The following ADAMTS3 variants were observed in gnomAD, a reference collection of about 807,000 sequenced individuals.
ADAMTS3 encodes A disintegrin and metalloproteinase with thrombospondin motifs 3.
Under a neutral mutation model 129.0 loss-of-function variants are expected in ADAMTS3, and 73 were observed. The observed-to-expected ratio is 0.57, with a 90% CI of 0.47 to 0.69. The LOEUF is 0.69. Ranked by LOEUF, ADAMTS3 falls within the 30% of genes least tolerant of loss-of-function variation. ADAMTS3 has a pLI of 0.00. For synonymous variants in ADAMTS3, 477 were observed against 510.8 expected (o/e 0.93, Z 0.89); for missense variants, 1,457 against 1,514.5 (o/e 0.96, Z 0.63).
rs148946107 is a variant in ADAMTS3, at chr4:72,341,614, C to T, written c.662-1921G>A. ...AAATGGCTCCTGTTGGCAGAATGCT[C>T]AGAGAAAACGTCCAATGGAAATATA... On this transcript the variant is annotated intron_variant, in intron 4 of 21. Transcript: ENST00000286657. Among the ~76,000 whole-genome samples, 826 of 152,260 alleles carry T rather than the reference C, an allele frequency of 5.4e-3. 4 individuals carry two copies. The highest frequency in any genetic ancestry group is 0.019 in the African/African-American group (785 of 41,546).
At chr4:72,316,707 T>G (rs912554100) in intron 10 of ADAMTS3, among the ~76,000 whole-genome samples, 1 of 151,038 alleles carries the variant, frequency 6.6e-6, no homozygotes, top group African/African-American at 2.4e-5. Context: ...ATAATAATAA[T>G]AATAATAATC....
In ADAMTS3 at chr4:72,432,954, G is replaced by A. The variant is rs1722733940; in HGVS notation, c.505-17983C>T. The stretch of plus-strand genomic sequence containing the variant: ...CAGAAACTAGTTCTACATTGGAACA[G>A]CATCCACCTAAGCTGGAAGGCAGAG... On this transcript the variant is annotated intron_variant, in intron 3 of 21. Coordinates refer to ENST00000286657, the MANE Select transcript of ADAMTS3 (RefSeq NM_014243.3). Among the ~76,000 whole-genome samples, 3 of 151,922 alleles carry A rather than the reference G, an allele frequency of 2.0e-5. No individual in the cohort carries two copies. In the South Asian group the frequency reaches 6.2e-4, roughly 31 times the overall value.
intron 4 of ADAMTS3, among the ~76,000 whole-genome samples, chr4:72,414,117 T>G (rs1409939080): frequency 2.0e-5 from 3 of 151,834 alleles, no homozygotes; most frequent in African/African-American, 7.2e-5. Flanking sequence ...AAAGACTTCT[T>G]GAGATTTGGT....
intron 3 of ADAMTS3, among the ~76,000 whole-genome samples, chr4:72,504,601 G>T (rs1720108653): frequency 6.6e-6 from 1 of 151,832 alleles, no homozygotes; most frequent in Admixed American, 6.6e-5. Flanking sequence ...CTTATACTTG[G>T]ATATCTACCT....
intron 3 of ADAMTS3, among the ~76,000 whole-genome samples, chr4:72,455,903 A>G (rs1442700335): frequency 9.3e-6 from 1 of 107,514 alleles, no homozygotes; most frequent in Non-Finnish European, 1.7e-5. Context: ...TATATAGTAT[A>G]TACACTGTAT....
In ADAMTS3 at chr4:72,283,479, T is replaced by A; in HGVS notation, c.3275A>T (p.Tyr1092Phe). 6.2e-7 allele frequency: 1 copy of A among 1,614,006 alleles called. No homozygotes were observed. Among genetic ancestry groups the A allele is most frequent in the Non-Finnish European group, 8.5e-7 (1 of 1,179,970 alleles). ...CTTCTTTGCAGGGGTCTCTGAATGA[T>A]AAGGAACCAAAGATGTAGGCATCAC... ...SLVMPTSLVP[Y>F]HSETPAKKMS... is the part of the protein sequence containing the mutation. The change falls in exon 22 of 22, where the codon TAT (tyrosine) becomes TTT (phenylalanine). Residue 1092 changes from tyrosine to phenylalanine, a missense_variant. Coordinates refer to ENST00000286657, the MANE Select transcript of ADAMTS3 (RefSeq NM_014243.3).
chr4:72,431,618 A>G (rs1200635056), intron 3 of ADAMTS3, among the ~76,000 whole-genome samples: 1 of 152,044 alleles, frequency 6.6e-6, no homozygotes, highest in Non-Finnish European at 1.5e-5. Context: ...CTTTGTGTTT[A>G]GTCTTGGGTC....
At chr4:72,374,100 C>A (rs994019254) in intron 4 of ADAMTS3, among the ~76,000 whole-genome samples, 28 of 152,008 alleles carry the variant, frequency 1.8e-4, no homozygotes, top group South Asian at 6.2e-4. Context: ...AAGCATATTG[C>A]CTATTTCTTC....
At chr4:72,339,173 G>A (rs1005958602) in intron 5 of ADAMTS3, among the ~76,000 whole-genome samples, 6 of 152,116 alleles carry the variant, frequency 3.9e-5, no homozygotes, top group African/African-American at 7.2e-5. Flanking sequence ...AAAGTCCTGC[G>A]AGTTTTGATT....
chr4:72,363,737 T>G (rs181570816), intron 4 of ADAMTS3, among the ~76,000 whole-genome samples: 2 of 151,002 alleles, frequency 1.3e-5, no homozygotes, highest in African/African-American at 4.9e-5. Flanking sequence ...TACCAAACGT[T>G]ATAAAAAAAA....
intron 2 of ADAMTS3, among the ~76,000 whole-genome samples, chr4:72,563,018 A>G (rs1397864714): frequency 1.3e-5 from 2 of 152,184 alleles, no homozygotes; most frequent in Non-Finnish European, 2.9e-5. Flanking sequence ...GATTTCCAAG[A>G]TAATCTGGGT....
intron 2 of ADAMTS3, among the ~76,000 whole-genome samples, chr4:72,563,474 G>A (rs60289016): frequency 0.038 from 5,770 of 152,144 alleles, 385 homozygotes; most frequent in African/African-American, 0.13. Context: ...GCCAGCAATA[G>A]GGCAAATGAT....
intron 4 of ADAMTS3, among the ~76,000 whole-genome samples, chr4:72,396,351 A>G (rs1023848522): frequency 6.6e-6 from 1 of 152,214 alleles, no homozygotes; most frequent in African/African-American, 2.4e-5. Flanking sequence ...CAATGAATTA[A>G]GAATTAAAAA....
intron 10 of ADAMTS3, among the ~76,000 whole-genome samples, chr4:72,316,605 T>A (rs1448883005): frequency 6.6e-6 from 1 of 152,000 alleles, no homozygotes; most frequent in Non-Finnish European, 1.5e-5. Flanking sequence ...GGAGAATCGC[T>A]GGAACCCAGG....
At chr4:72,325,198 A>G (rs1719669124) in intron 5 of ADAMTS3, among the ~76,000 whole-genome samples, 1 of 152,114 alleles carries the variant, frequency 6.6e-6, no homozygotes, top group Non-Finnish European at 1.5e-5. Flanking sequence ...AAAACTTAAA[A>G]CCATTCACAT....
At chr4:72,508,327 G>T (rs145080380) in intron 3 of ADAMTS3, among the ~76,000 whole-genome samples, 134 of 152,074 alleles carry the variant, frequency 8.8e-4, no homozygotes, top group African/African-American at 2.9e-3. Flanking sequence ...AGTTAAAATG[G>T]GTTAGTGGTT....
intron 3 of ADAMTS3, among the ~76,000 whole-genome samples, chr4:72,545,201 G>T (rs1286849701): frequency 1.3e-5 from 2 of 152,088 alleles, no homozygotes; most frequent in Non-Finnish European, 2.9e-5. Context: ...AAAAAGGCTT[G>T]ACATATGTAT....
At chr4:72,323,803 T>C (rs952679491) in intron 5 of ADAMTS3, among the ~76,000 whole-genome samples, 1 of 152,208 alleles carries the variant, frequency 6.6e-6, no homozygotes, top group Non-Finnish European at 1.5e-5. Context: ...AGTGACTTGG[T>C]ATACTTTAAA....
In ADAMTS3 at chr4:72,283,990, T is replaced by A. The variant is rs185270357; in HGVS notation, c.3050-286A>T. On this transcript the variant is annotated intron_variant, in intron 21 of 21. Transcript: ENST00000286657. ...TTTTTTCTCCAAGTAGGAACCTATA[T>A]CTGATTTTAGAATGGGCAAAGATAA... Among the ~76,000 whole-genome samples the A allele has an allele frequency of 2.5e-4, 38 of 152,248 alleles. 1 individual carries two copies. The highest frequency in any genetic ancestry group is 2.0e-3 in the Admixed American group (31 of 15,284).
Sources: gnomAD v4.1 joint callset for allele counts (sites outside exome capture counted in the v4.1 genomes callset) on GRCh38, gnomAD v4.1.1 for gene constraint, MANE v1.5 for transcripts, NCBI Gene and HGNC (gene_info 2026-07-23, HGNC 2026-07-21) for gene names.